Variants in TBC1D14 observed in about 807,000 individuals in gnomAD.
TBC1D14 encodes the protein TBC1 domain family member 14.
TBC1D14 carries 26 observed loss-of-function variants against 79.0 expected under a neutral mutation model. The observed-to-expected ratio is 0.33, with a 90% CI of 0.24 to 0.46. The LOEUF is 0.46. TBC1D14 is among the 20% of genes least tolerant of loss of function. The probability of loss-of-function intolerance (pLI) is 1.00; values close to 1 mark genes in which losing one functional copy is unlikely to be tolerated. For synonymous variants in TBC1D14, 394 were observed against 349.9 expected (o/e 1.13, Z -1.40); for missense variants, 769 against 887.6 (o/e 0.87, Z 1.70).
chr4:6,914,657 C>G (rs1022851467), intron 1 of TBC1D14, among the ~76,000 whole-genome samples: 3 of 152,178 alleles, frequency 2.0e-5, no homozygotes, highest in Admixed American at 6.5e-5. Context: ...GATGTGTCAT[C>G]TGCGCTTGGG....
intron 3 of TBC1D14, among the ~76,000 whole-genome samples, chr4:6,977,537 C>A (rs892443868): frequency 6.7e-6 from 1 of 149,846 alleles, no homozygotes; most frequent in South Asian, 2.2e-4. Flanking sequence ...TCTGCCCGGC[C>A]GCCACCCCGT....
intron 2 of TBC1D14, among the ~76,000 whole-genome samples, chr4:6,941,405 C>CA (rs1350093209): frequency 6.6e-6 from 1 of 152,166 alleles, no homozygotes; most frequent in African/African-American, 2.4e-5. Flanking sequence ...AGGCTGGTCT[C>CA]AAACTCCGGA....
chr4:7,012,048 C>G (rs930595396), intron 11 of TBC1D14, among the ~76,000 whole-genome samples: 14 of 151,760 alleles, frequency 9.2e-5, no homozygotes, highest in Non-Finnish European at 2.1e-4. Context: ...CGCCTGTAAT[C>G]CCAGCACTTT....
At chr4:6,910,319 C>G (rs1199369669) in intron 1 of TBC1D14, 1 of 152,454 alleles carries the variant, frequency 6.6e-6, no homozygotes, top group Non-Finnish European at 1.5e-5. Context: ...GACCCCGACC[C>G]CGGAGCCCCC....
Position 7,027,572 on chromosome 4 carries a change from G to A in TBC1D14, c.2016+2310G>A, listed in dbSNP as rs184372117. 2.4e-4 allele frequency among the ~76,000 whole-genome samples: 30 copies of A among 126,656 alleles called. No individual in the cohort carries two copies. The East Asian group carries it at 6.7e-3, about 28-fold the overall frequency. 83.1% of individuals were successfully genotyped at this position (126,656 alleles called of 152,430 possible). On this transcript the variant is annotated intron_variant, in intron 13 of 13. Transcript: ENST00000409757. ...ACCACACACCACAATCACCCGACAC[G>A]CACATCACACACCCACCCACGCATA... is the stretch of plus-strand genomic sequence containing the variant.
At chr4:6,965,871 A>G (rs1715657126) in intron 2 of TBC1D14, among the ~76,000 whole-genome samples, 1 of 152,192 alleles carries the variant, frequency 6.6e-6, no homozygotes, top group Non-Finnish European at 1.5e-5. Context: ...TTTCTCCGGC[A>G]TAAGATTAAC....
chr4:7,018,790 G>T (rs1002717785), intron 12 of TBC1D14, among the ~76,000 whole-genome samples: 1 of 152,184 alleles, frequency 6.6e-6, no homozygotes, highest in Admixed American at 6.5e-5. Flanking sequence ...TCAGTGTTTC[G>T]ACTGTCAAGC....
intron 10 of TBC1D14, 76 bp from the exon 11 acceptor site, chr4:7,010,577 T>C (rs1486287166): frequency 2.0e-5 from 30 of 1,537,520 alleles, no homozygotes; most frequent in Non-Finnish European, 2.5e-5. Context: ...GGTAGGTTTG[T>C]CTTTGCTAAA....
chr4:6,931,742 A>G (rs995428418), intron 2 of TBC1D14, among the ~76,000 whole-genome samples: 1 of 152,044 alleles, frequency 6.6e-6, no homozygotes, highest in Admixed American at 6.6e-5. Flanking sequence ...GCACTGTGCT[A>G]GGTTCTTAAA....
chr4:6,965,283 G>T (rs369884070), intron 2 of TBC1D14, among the ~76,000 whole-genome samples: 49 of 152,044 alleles, frequency 3.2e-4, no homozygotes, highest in Admixed American at 6.5e-4. Context: ...TCAGCCTCCC[G>T]AGTAGCTGGG....
intron 2 of TBC1D14, among the ~76,000 whole-genome samples, chr4:6,937,326 G>T (rs994198064): frequency 1.3e-5 from 2 of 152,232 alleles, no homozygotes; most frequent in Non-Finnish European, 2.9e-5. Flanking sequence ...GTGCCAGCAC[G>T]TTCAGTGTCT....
intron 7 of TBC1D14, among the ~76,000 whole-genome samples, chr4:7,002,429 G>C (rs2109206477): frequency 6.6e-6 from 1 of 152,312 alleles, no homozygotes; most frequent in East Asian, 1.9e-4. Context: ...GCTTCTCACT[G>C]ATGCCTGGGT....
chr4:6,987,497 G>C (rs1717984378), intron 3 of TBC1D14: 1 of 703,924 alleles, frequency 1.4e-6, no homozygotes, highest in Non-Finnish European at 2.0e-6. Flanking sequence ...GGGTGTGCGA[G>C]CATCACGTGT....
intron 2 of TBC1D14, among the ~76,000 whole-genome samples, chr4:6,957,715 C>A (rs919331837): frequency 2.0e-5 from 3 of 152,284 alleles, no homozygotes; most frequent in Middle Eastern, 3.4e-3. Flanking sequence ...AGTTCGAGAC[C>A]GGCCTGGGCC....
At chr4:7,030,184 G>A in intron 13 of TBC1D14, 143 bp from the exon 14 acceptor site, 1 of 708,586 alleles carries the variant, frequency 1.4e-6, no homozygotes, top group Non-Finnish European at 2.5e-6. Context: ...GGACGTAGGA[G>A]TGGAAGACCC....
At chr4:6,995,170 C>T (rs895042030) in intron 4 of TBC1D14, among the ~76,000 whole-genome samples, 3 of 152,120 alleles carry the variant, frequency 2.0e-5, no homozygotes, top group African/African-American at 7.2e-5. Context: ...AAAGAGAGCA[C>T]GAATTGTATT....
At chr4:6,979,208 A>T (rs1341319762) in intron 3 of TBC1D14, among the ~76,000 whole-genome samples, 1 of 152,208 alleles carries the variant, frequency 6.6e-6, no homozygotes, top group Non-Finnish European at 1.5e-5. Context: ...GAGGAAGAAA[A>T]AAAGAGAAAA....
At chr4:7,007,548 G>A (rs948342751) in intron 9 of TBC1D14, 3 of 1,289,394 alleles carry the variant, frequency 2.3e-6, no homozygotes, top group East Asian at 5.5e-5. Flanking sequence ...GGATTTCCGT[G>A]TGGGTCTTCA....
chr4:7,014,590 A>G (rs370445521), intron 12 of TBC1D14, 33 bp downstream of exon 12: 3 of 1,444,736 alleles, frequency 2.1e-6, no homozygotes, highest in Admixed American at 1.7e-5. Flanking sequence ...TTTTCAGAGC[A>G]TTTCTCAGCC....
Sources: allele counts gnomAD v4.1 joint callset (sites outside exome capture counted in the v4.1 genomes callset), GRCh38; gene constraint gnomAD v4.1.1; transcripts MANE v1.5; gene names NCBI Gene and HGNC (gene_info 2026-07-23, HGNC 2026-07-21).